The following RGS21 variants were observed in gnomAD, a reference collection of about 807,000 sequenced individuals.
RGS21 encodes the protein regulator of G-protein signalling 21.
A neutral mutation model predicts 18.7 loss-of-function variants in RGS21; 19 were observed. The observed-to-expected ratio is 1.01, with a 90% CI of 0.71 to 1.49. The LOEUF is 1.49. Ranked by LOEUF, RGS21 falls within the 40% of genes most tolerant of loss-of-function variation. RGS21 has a pLI of 0.00. For missense variants in RGS21, 194 were observed against 176.8 expected (o/e 1.10, Z -0.55); for synonymous variants, 56 against 57.8 (o/e 0.97, Z 0.14).
At chr1:192,343,303 G>GT (rs570283948) in intron 2 of RGS21, among the ~76,000 whole-genome samples, 147 of 151,640 alleles carry the variant, frequency 9.7e-4, no homozygotes, top group African/African-American at 1.3e-3. Flanking sequence ...TGAACTTTAT[G>GT]TTTTTTTTAA....
intron 4 of RGS21, among the ~76,000 whole-genome samples, chr1:192,356,453 G>C (rs1301763624): frequency 6.6e-6 from 1 of 151,744 alleles, no homozygotes; most frequent in Non-Finnish European, 1.5e-5. Flanking sequence ...ATACAGTTGG[G>C]TTAAAAAATA....
rs142980005 is a variant in RGS21, at chr1:192,356,145, G to A, written c.255+3932G>A. On this transcript the variant is annotated intron_variant, in intron 4 of 4. Transcript: ENST00000417209. ...GTCATAAACGAGAGTACATCTTCAC[G>A]GGTCCGTGCAGGACATTTTTTAATA... 6.9e-3 allele frequency among the ~76,000 whole-genome samples: 1,046 copies of A among 151,764 alleles called. 11 individuals carry two copies. Among genetic ancestry groups the A allele is most frequent in the African/African-American group, 0.022 (904 of 41,476 alleles).
chr1:192,335,011 C>T (rs570415097), intron 1 of RGS21, among the ~76,000 whole-genome samples: 100 of 152,126 alleles, frequency 6.6e-4, no homozygotes, highest in African/African-American at 2.4e-3. Context: ...ATATCTGGAC[C>T]TACAAATAAC....
chr1:192,337,254 G>A lies in RGS21; in HGVS notation c.-60-5723G>A, dbSNP rs116261639. On this transcript the variant is annotated intron_variant, in intron 1 of 4. Transcript: ENST00000417209. ...TTTTTGAAATGCTAGAATTTACAAG[G>A]AATCATTCCTCTCAGTATGTCAACA... is the stretch of plus-strand genomic sequence containing the variant. Among the ~76,000 whole-genome samples the A allele has an allele frequency of 2.5e-3, 379 of 151,932 alleles. 3 individuals carry two copies. Among genetic ancestry groups the A allele is most frequent in the African/African-American group, 8.9e-3 (370 of 41,472 alleles).
At chr1:192,361,113 G>A (rs528639501) in intron 4 of RGS21, among the ~76,000 whole-genome samples, 6 of 152,182 alleles carry the variant, frequency 3.9e-5, no homozygotes, top group African/African-American at 1.2e-4. Flanking sequence ...ATGGTTGTGT[G>A]ATATTTAGCA....
intron 2 of RGS21, among the ~76,000 whole-genome samples, chr1:192,344,156 G>C (rs1014157676): frequency 3.3e-5 from 5 of 151,916 alleles, no homozygotes; most frequent in African/African-American, 1.2e-4. Flanking sequence ...TTTCAGTTGA[G>C]CAGCCAGTTA....
chr1:192,344,299 A>G (rs1055885219), intron 2 of RGS21, among the ~76,000 whole-genome samples: 5 of 152,122 alleles, frequency 3.3e-5, no homozygotes, highest in Non-Finnish European at 5.9e-5. Context: ...ACAAATATAT[A>G]TGTATTAACT....
At chr1:192,318,804 A>G (rs1658454509) in intron 1 of RGS21, among the ~76,000 whole-genome samples, 1 of 152,166 alleles carries the variant, frequency 6.6e-6, no homozygotes, top group South Asian at 2.1e-4. Flanking sequence ...TTGCTGATCC[A>G]TGTCATTGTC....
chr1:192,347,207 T>C (rs1658962860), intron 2 of RGS21, 106 bp from the exon 3 acceptor site: 1 of 704,570 alleles, frequency 1.4e-6, no homozygotes, highest in Non-Finnish European at 2.5e-6. Context: ...GGCTGTTTGA[T>C]TAACAGCATG....
intron 1 of RGS21, among the ~76,000 whole-genome samples, chr1:192,322,798 C>G (rs1216161204): frequency 6.6e-6 from 1 of 152,060 alleles, no homozygotes; most frequent in Non-Finnish European, 1.5e-5. Flanking sequence ...AAAAAGTTTA[C>G]TCTGTCAAAA....
chr1:192,355,207 G>A (rs2102235858), intron 4 of RGS21, among the ~76,000 whole-genome samples: 1 of 151,718 alleles, frequency 6.6e-6, no homozygotes, highest in Non-Finnish European at 1.5e-5. Context: ...TTCCTCATCT[G>A]AAAAAGTATA....
rs1431812120 is a variant in RGS21, at chr1:192,366,625, T to C, written c.*501T>C. 6.6e-6 allele frequency: 1 copy of C among 152,474 alleles called. No homozygotes were observed. The highest frequency in any genetic ancestry group is 1.5e-5 in the Non-Finnish European group (1 of 68,282). 9.4% of individuals were successfully genotyped at this position (152,474 alleles called of 1,614,324 possible). A position where few individuals can be genotyped will look rare whatever the true frequency, so the allele number is the denominator to read the frequency against. ...ATGTGGTTATGAAAACTGCTACGCC[T>C]CTCAAATTATATTTTTTAAATCACA... On this transcript the variant is annotated 3_prime_UTR_variant, in exon 5 of 5. Transcript: ENST00000417209.
intron 1 of RGS21, among the ~76,000 whole-genome samples, chr1:192,324,358 G>T (rs1408722900): frequency 6.6e-6 from 1 of 151,890 alleles, no homozygotes; most frequent in Admixed American, 6.6e-5. Flanking sequence ...TCCTTGTTTA[G>T]ATTTCTCTAT....
intron 4 of RGS21, 40 bp downstream of exon 4, chr1:192,352,253 A>G (rs772641982): frequency 4.2e-6 from 6 of 1,442,448 alleles, no homozygotes; most frequent in African/African-American, 2.9e-5. Flanking sequence ...GTCATCCTGT[A>G]GCAGATCTGC....
chr1:192,321,899 CACAA>C (rs1225588389), intron 1 of RGS21, among the ~76,000 whole-genome samples: 2 of 151,960 alleles, frequency 1.3e-5, no homozygotes, highest in African/African-American at 2.4e-5. Flanking sequence ...CAGCTAAAAA[CACAA>C]ACACACACCC....
At chr1:192,320,544 G>GTGTATA in intron 1 of RGS21, among the ~76,000 whole-genome samples, 1 of 151,850 alleles carries the variant, frequency 6.6e-6, no homozygotes, top group Non-Finnish European at 1.5e-5. Flanking sequence ...GTATGTGTAT[G>GTGTATA]TGTATGTGTA....
chr1:192,348,331 A>C (rs1346441714), intron 3 of RGS21, among the ~76,000 whole-genome samples: 1 of 152,092 alleles, frequency 6.6e-6, no homozygotes, highest in East Asian at 1.9e-4. Flanking sequence ...CAGCTGGCCC[A>C]CTATAATTTG....
At chr1:192,350,868 A>G (rs1247012978) in intron 3 of RGS21, among the ~76,000 whole-genome samples, 1 of 152,186 alleles carries the variant, frequency 6.6e-6, no homozygotes, top group African/African-American at 2.4e-5. Flanking sequence ...AGGAAAATAG[A>G]GAAGGAAAGG....
chr1:192,342,532 T>C (rs923216879), intron 1 of RGS21, among the ~76,000 whole-genome samples: 1 of 151,956 alleles, frequency 6.6e-6, no homozygotes, highest in African/African-American at 2.4e-5. Flanking sequence ...ACATATATAG[T>C]TGTTTAAGAT....
Sources: allele counts gnomAD v4.1 joint callset (sites outside exome capture counted in the v4.1 genomes callset), GRCh38; gene constraint gnomAD v4.1.1; transcripts MANE v1.5; gene names NCBI Gene and HGNC (gene_info 2026-07-23, HGNC 2026-07-21).